STPG2: variants seen among roughly 807,000 people sequenced by gnomAD.
The protein encoded by STPG2 is sperm-tail PG-rich repeat-containing protein 2.
Under a neutral mutation model 54.2 loss-of-function variants are expected in STPG2, and 56 were observed. The ratio of observed to expected loss-of-function variants is 1.03; its 90% CI spans 0.83 to 1.29. STPG2 has a LOEUF of 1.29. Among genes scored for constraint, STPG2 ranks in the 50% most tolerant of loss-of-function variants. The pLI is 0.00. For missense variants in STPG2, 596 were observed against 544.9 expected (o/e 1.09, Z -0.93); for synonymous variants, 200 against 181.8 (o/e 1.10, Z -0.81).
intron 5 of STPG2, among the ~76,000 whole-genome samples, chr4:98,094,531 G>C (rs1023406908): frequency 6.6e-6 from 1 of 152,198 alleles, no homozygotes; most frequent in African/African-American, 2.4e-5. Context: ...GCAACAAGCA[G>C]GCTTTTGGGG....
In STPG2 at chr4:98,143,303, C is replaced by G. The variant is rs893888297; in HGVS notation, c.-153G>C. On this transcript the variant is annotated 5_prime_UTR_variant, in exon 1 of 11. Transcript: ENST00000295268. ...ACAGGGAAATTAGGGGTGGGGTTGT[C>G]TCCCCGCCCGCTCATTGATACCAGA... The G allele has an allele frequency of 3.3e-6, 2 of 601,668 alleles. No homozygotes were observed. The highest frequency in any genetic ancestry group is 5.9e-6 in the Non-Finnish European group (2 of 338,716). 37.3% of individuals were successfully genotyped at this position (601,668 alleles called of 1,614,324 possible).
At chr4:97,755,704 G>A (rs934091524) in intron 9 of STPG2, among the ~76,000 whole-genome samples, 2 of 151,946 alleles carry the variant, frequency 1.3e-5, no homozygotes, top group Non-Finnish European at 2.9e-5. Context: ...GTATTTATTG[G>A]GCTCCCTGAA....
intron 5 of STPG2, among the ~76,000 whole-genome samples, chr4:98,034,918 C>A (rs1736722369): frequency 6.6e-6 from 1 of 152,118 alleles, no homozygotes. Flanking sequence ...AAACTGGATC[C>A]CTTCCTTACA....
intron 5 of STPG2, chr4:98,025,799 C>G (rs924743149): frequency 3.5e-5 from 55 of 1,580,818 alleles, no homozygotes; most frequent in Non-Finnish European, 4.0e-5. Context: ...TGATGGTCCG[C>G]CGGGTGCCTT....
chr4:97,869,416 G>A (rs1449756893), intron 8 of STPG2, among the ~76,000 whole-genome samples: 3 of 151,558 alleles, frequency 2.0e-5, no homozygotes, highest in Non-Finnish European at 4.4e-5. Context: ...AGCAATACAA[G>A]AAGGTAAATA....
intron 4 of STPG2, among the ~76,000 whole-genome samples, chr4:97,524,956 C>A (rs1469209533): frequency 6.6e-6 from 1 of 151,822 alleles, no homozygotes; most frequent in South Asian, 2.1e-4. Flanking sequence ...TAATATAGGA[C>A]CTGAACATTA....
intron 10 of STPG2, among the ~76,000 whole-genome samples, chr4:97,636,048 G>C (rs1341216441): frequency 6.6e-6 from 1 of 151,986 alleles, no homozygotes; most frequent in Non-Finnish European, 1.5e-5. Context: ...ATTTTTTTCA[G>C]CACCACATCA....
intron 10 of STPG2, among the ~76,000 whole-genome samples, chr4:97,619,471 T>C (rs770408425): frequency 1.3e-5 from 2 of 152,056 alleles, no homozygotes; most frequent in Non-Finnish European, 2.9e-5. Context: ...AGAACTATTA[T>C]ATGTTTTGAT....
intron 8 of STPG2, among the ~76,000 whole-genome samples, chr4:97,914,373 G>A (rs1208656538): frequency 3.3e-5 from 5 of 152,026 alleles, no homozygotes; most frequent in Admixed American, 2.6e-4. Flanking sequence ...GCATCAAATA[G>A]CTCACCAGGA....
intron 7 of STPG2, among the ~76,000 whole-genome samples, chr4:97,957,598 C>A (rs1173967561): frequency 6.6e-6 from 1 of 151,850 alleles, no homozygotes; most frequent in Non-Finnish European, 1.5e-5. Context: ...CAAAAGATCA[C>A]TGCCTAGGGA....
At chr4:97,974,293 G>T (rs1487285919) in intron 6 of STPG2, among the ~76,000 whole-genome samples, 1 of 152,114 alleles carries the variant, frequency 6.6e-6, no homozygotes, top group Non-Finnish European at 1.5e-5. Context: ...TTGTATCTAG[G>T]AAGTAACTAA....
At chr4:97,459,836 T>C (rs183594296) in intron 4 of STPG2, among the ~76,000 whole-genome samples, 1 of 152,298 alleles carries the variant, frequency 6.6e-6, no homozygotes, top group Admixed American at 6.5e-5. Context: ...AGTGTGTTGA[T>C]TGGGTCCTTC....
At chr4:97,538,518 G>A (rs1451640334) in intron 4 of STPG2, among the ~76,000 whole-genome samples, 2 of 152,184 alleles carry the variant, frequency 1.3e-5, no homozygotes, top group Admixed American at 1.3e-4. Flanking sequence ...AATGAACAAA[G>A]CCTCCAAGAA....
At chr4:97,757,376 A>T (rs1208256048) in intron 9 of STPG2, among the ~76,000 whole-genome samples, 3 of 152,122 alleles carry the variant, frequency 2.0e-5, no homozygotes, top group Non-Finnish European at 4.4e-5. Context: ...TATCACTAAC[A>T]CCAAGATGAG....
At chr4:97,597,091 C>A (rs1293592892) in intron 10 of STPG2, among the ~76,000 whole-genome samples, 1 of 152,088 alleles carries the variant, frequency 6.6e-6, no homozygotes. Context: ...TTACCACCAT[C>A]TGCACAGAAA....
intron 3 of STPG2, among the ~76,000 whole-genome samples, chr4:98,109,685 T>C (rs2110144474): frequency 6.6e-6 from 1 of 152,290 alleles, no homozygotes; most frequent in South Asian, 2.1e-4. Flanking sequence ...TATTAAAAAT[T>C]ACCTTAACTA....
intron 10 of STPG2, among the ~76,000 whole-genome samples, chr4:97,676,160 G>T (rs1722838436): frequency 6.7e-6 from 1 of 149,824 alleles, no homozygotes; most frequent in Non-Finnish European, 1.5e-5. Context: ...ACACATAGTT[G>T]ATACATGGAG....
At chr4:98,046,478 A>G (rs549655803) in intron 5 of STPG2, among the ~76,000 whole-genome samples, 1 of 152,038 alleles carries the variant, frequency 6.6e-6, no homozygotes, top group Non-Finnish European at 1.5e-5. Context: ...GATGAACCTA[A>G]CCAATCAGCC....
intron 10 of STPG2, among the ~76,000 whole-genome samples, chr4:97,590,787 G>A (rs746800991): frequency 2.6e-5 from 4 of 151,932 alleles, no homozygotes; most frequent in Non-Finnish European, 5.9e-5. Flanking sequence ...CCTATATATT[G>A]CACAAATAAG....
Sources: allele counts gnomAD v4.1 joint callset (sites outside exome capture counted in the v4.1 genomes callset), GRCh38; gene constraint gnomAD v4.1.1; transcripts MANE v1.5; gene names NCBI Gene and HGNC (gene_info 2026-07-23, HGNC 2026-07-21).